Variants in PLEKHM3 observed in about 807,000 individuals in gnomAD.
PLEKHM3 encodes pleckstrin homology domain containing M3.
In PLEKHM3, 45 loss-of-function variants were observed where a neutral mutation model predicts 81.8. The ratio of observed to expected loss-of-function variants is 0.55; its 90% CI spans 0.43 to 0.71. The LOEUF (loss-of-function observed/expected upper bound fraction) is 0.71, where lower values mean the gene tolerates loss of function less well. PLEKHM3 is among the 30% of genes least tolerant of loss of function. The pLI is 0.00. For synonymous variants in PLEKHM3, 352 were observed against 356.4 expected, an observed-to-expected ratio of 0.99 and a Z score of 0.14; for missense variants, 788 against 924.3, an observed-to-expected ratio of 0.85 and a Z score of 1.91.
chr2:207,830,073 G>A (rs570381679), intron 7 of PLEKHM3, among the ~76,000 whole-genome samples: 39 of 152,016 alleles, frequency 2.6e-4, no homozygotes, highest in Non-Finnish European at 4.7e-4. Flanking sequence ...GGGTGTGTGC[G>A]TGCACACCTA....
chr2:207,949,980 C>T (rs1421105899), intron 3 of PLEKHM3, among the ~76,000 whole-genome samples: 6 of 152,112 alleles, frequency 3.9e-5, no homozygotes, highest in African/African-American at 9.7e-5. Context: ...TCACATCAAC[C>T]GGGCACACAG....
intron 7 of PLEKHM3, among the ~76,000 whole-genome samples, chr2:207,850,469 A>T (rs1235826914): frequency 6.6e-6 from 1 of 152,270 alleles, no homozygotes; most frequent in African/African-American, 2.4e-5. Flanking sequence ...AATGGACAGG[A>T]CAGAAATGAT....
chr2:207,922,768 T>C (rs943490418), intron 5 of PLEKHM3, among the ~76,000 whole-genome samples: 2 of 150,944 alleles, frequency 1.3e-5, no homozygotes, highest in Non-Finnish European at 2.9e-5. Context: ...GCAGAGATCG[T>C]GCCACTGCAC....
At chr2:207,992,968 T>C (rs1691947592) in intron 2 of PLEKHM3, among the ~76,000 whole-genome samples, 1 of 152,164 alleles carries the variant, frequency 6.6e-6, no homozygotes, top group Non-Finnish European at 1.5e-5. Flanking sequence ...GATACCTGGA[T>C]GCTTTATAAA....
chr2:207,856,472 C>T (rs970233101), intron 7 of PLEKHM3, among the ~76,000 whole-genome samples: 2 of 152,218 alleles, frequency 1.3e-5, no homozygotes, highest in African/African-American at 2.4e-5. Flanking sequence ...ACCTAGGCAT[C>T]CCTTCCCAGC....
intron 5 of PLEKHM3, among the ~76,000 whole-genome samples, chr2:207,917,130 G>A (rs1369521958): frequency 6.6e-6 from 1 of 152,230 alleles, no homozygotes; most frequent in African/African-American, 2.4e-5. Context: ...AGTAGAATGA[G>A]GAGAATGGTT....
chr2:207,832,699 G>A (rs931867263), intron 7 of PLEKHM3, among the ~76,000 whole-genome samples: 1 of 151,570 alleles, frequency 6.6e-6, no homozygotes, highest in Non-Finnish European at 1.5e-5. Context: ...GGCTAGGCAG[G>A]AGAATCGCTT....
At chr2:208,000,642 C>T (rs997354400) in intron 2 of PLEKHM3, among the ~76,000 whole-genome samples, 1 of 152,196 alleles carries the variant, frequency 6.6e-6, no homozygotes, top group African/African-American at 2.4e-5. Flanking sequence ...AGCATAGGCT[C>T]AGCCCAACGT....
chr2:207,885,934 C>A (rs896393108), intron 6 of PLEKHM3, among the ~76,000 whole-genome samples: 1 of 152,138 alleles, frequency 6.6e-6, no homozygotes, highest in Non-Finnish European at 1.5e-5. Context: ...GTTCCTGAAA[C>A]ATTCAAGAAT....
At chr2:207,955,038 G>A (rs890583139) in intron 3 of PLEKHM3, among the ~76,000 whole-genome samples, 1 of 152,080 alleles carries the variant, frequency 6.6e-6, no homozygotes, top group African/African-American at 2.4e-5. Flanking sequence ...CTTGATTTTT[G>A]CTAAAGCACG....
chr2:207,948,349 CTTTTTTTTTTTTTTT>C (rs752976462), intron 3 of PLEKHM3, among the ~76,000 whole-genome samples: 1 of 81,066 alleles, frequency 1.2e-5, no homozygotes, highest in Non-Finnish European at 2.2e-5. Context: ...CTCCTCAGAT[CTTTTTTTTTTTTTTT>C]TTTTTTTTTG....
At chr2:207,968,780 G>C (rs897460646) in intron 3 of PLEKHM3, among the ~76,000 whole-genome samples, 2 of 152,160 alleles carry the variant, frequency 1.3e-5, no homozygotes, top group Non-Finnish European at 2.9e-5. Context: ...CAAATACCTA[G>C]GGATTTCTCC....
chr2:207,923,857 A>G lies in PLEKHM3; in HGVS notation c.1886+7069T>C, dbSNP rs71418657. ...CATATACATACATACACACGCACGC[A>G]CACACACACACACACACACACACAT... On this transcript the variant is annotated intron_variant, in intron 5 of 7. Coordinates refer to ENST00000427836, the MANE Select transcript of PLEKHM3 (RefSeq NM_001080475.3). 9.0e-4 allele frequency among the ~76,000 whole-genome samples: 23 copies of G among 25,548 alleles called. 1 individual carries two copies. Among genetic ancestry groups the G allele is most frequent in the East Asian group, 4.2e-3 (7 of 1,666 alleles). 16.8% of individuals were successfully genotyped at this position (25,548 alleles called of 152,430 possible). A position where few individuals can be genotyped will look rare whatever the true frequency, so the allele number is the denominator to read the frequency against.
chr2:207,914,244 C>T (rs1383310390), intron 5 of PLEKHM3, among the ~76,000 whole-genome samples: 1 of 151,788 alleles, frequency 6.6e-6, no homozygotes, highest in Admixed American at 6.5e-5. Context: ...GCCTGTAATC[C>T]CAGCACTTCG....
At chr2:207,846,075 TGTCAAAG>T (rs2092380319) in intron 7 of PLEKHM3, among the ~76,000 whole-genome samples, 1 of 152,208 alleles carries the variant, frequency 6.6e-6, no homozygotes. Context: ...AGTGGTGGCT[TGTCAAAG>T]GTCACACAAA....
chr2:207,924,370 C>G (rs1359700267), intron 5 of PLEKHM3, among the ~76,000 whole-genome samples: 5 of 152,100 alleles, frequency 3.3e-5, no homozygotes, highest in Admixed American at 6.5e-5. Context: ...CCATGACTCT[C>G]TCCCTGCAGA....
At chr2:207,963,775 G>A (rs1254316890) in intron 3 of PLEKHM3, among the ~76,000 whole-genome samples, 2 of 152,196 alleles carry the variant, frequency 1.3e-5, no homozygotes. Context: ...TTTCCAGAAT[G>A]TAAAGAAAAC....
At chr2:207,852,561 T>C (rs2092418261) in intron 7 of PLEKHM3, among the ~76,000 whole-genome samples, 1 of 152,182 alleles carries the variant, frequency 6.6e-6, no homozygotes, top group Non-Finnish European at 1.5e-5. Context: ...TTGATGAATG[T>C]TTGCTATATA....
In PLEKHM3 at chr2:207,989,425, G is replaced by C. The variant is rs562647938; in HGVS notation, c.610+11605C>G. Among the ~76,000 whole-genome samples, 9 of 152,326 alleles carry C rather than the reference G, an allele frequency of 5.9e-5. No individual in the cohort carries two copies. The South Asian group carries it at 6.2e-4, about 11-fold the overall frequency. ...TAGAATTGATATTCAGAGACGGCAG[G>C]AAGGGGTAAAGAGCATTCCAGATGG... On this transcript the variant is annotated intron_variant, in intron 2 of 7. Transcript: ENST00000427836.
Sources: gnomAD v4.1 joint callset for allele counts (sites outside exome capture counted in the v4.1 genomes callset) on GRCh38, gnomAD v4.1.1 for gene constraint, MANE v1.5 for transcripts, NCBI Gene and HGNC (gene_info 2026-07-23, HGNC 2026-07-21) for gene names.